The following IMPG1 variants were observed in gnomAD, a reference collection of about 807,000 sequenced individuals.
The protein encoded by IMPG1 is interphotoreceptor matrix proteoglycan 1.
Under a neutral mutation model 92.0 loss-of-function variants are expected in IMPG1, and 85 were observed. The observed-to-expected ratio is 0.92, with a 90% CI of 0.78 to 1.11. IMPG1 has a LOEUF of 1.11. Ranked by LOEUF, IMPG1 falls within the 50% of genes least tolerant of loss-of-function variation. The pLI is 0.00. For missense variants in IMPG1, 1,022 were observed against 956.0 expected (o/e 1.07, Z -0.91); for synonymous variants, 367 against 334.1 (o/e 1.10, Z -1.08).
chr6:76,003,821 G>C (rs1783042344), intron 11 of IMPG1, 53 bp downstream of exon 11: 6 of 1,279,994 alleles, frequency 4.7e-6, no homozygotes, highest in Non-Finnish European at 5.6e-6. Context: ...TTCTTTGGTG[G>C]AAGGTTTTGA....
At chr6:76,019,649 G>A (rs927881464) in intron 6 of IMPG1, among the ~76,000 whole-genome samples, 4 of 152,196 alleles carry the variant, frequency 2.6e-5, no homozygotes, top group African/African-American at 7.2e-5. Context: ...ACATTTAAAA[G>A]ACTTCTGATG....
chr6:75,955,749 C>A (rs1241728484), intron 12 of IMPG1, among the ~76,000 whole-genome samples: 1 of 152,134 alleles, frequency 6.6e-6, no homozygotes, highest in Admixed American at 6.5e-5. Context: ...TCATTAATAG[C>A]TCTTATTATT....
intron 12 of IMPG1, among the ~76,000 whole-genome samples, chr6:75,957,880 T>C (rs1443895431): frequency 2.0e-5 from 3 of 152,240 alleles, no homozygotes; most frequent in Non-Finnish European, 2.9e-5. Context: ...CTGTGTCTTT[T>C]AATTGGGGCA....
intron 1 of IMPG1, among the ~76,000 whole-genome samples, chr6:76,059,118 T>A (rs1455103381): frequency 6.6e-6 from 1 of 151,802 alleles, no homozygotes; most frequent in Non-Finnish European, 1.5e-5. Flanking sequence ...GAAAAGGGGG[T>A]GTTTCAGAAT....
chr6:76,010,999 T>G (rs1475689459), intron 8 of IMPG1, among the ~76,000 whole-genome samples, 167 bp downstream of exon 8: 3 of 152,218 alleles, frequency 2.0e-5, no homozygotes, highest in African/African-American at 7.2e-5. Context: ...CCTAGAGTCA[T>G]GTTCTAATTA....
At chr6:76,049,216 A>G (rs930485494) in intron 1 of IMPG1, among the ~76,000 whole-genome samples, 4 of 152,178 alleles carry the variant, frequency 2.6e-5, no homozygotes. Flanking sequence ...TTGGAGGGAG[A>G]GGATCAGAAA....
intron 15 of IMPG1, among the ~76,000 whole-genome samples, chr6:75,925,753 T>C (rs1582045117): frequency 6.6e-6 from 1 of 152,032 alleles, no homozygotes; most frequent in South Asian, 2.1e-4. Context: ...GCAACCTCCA[T>C]CTCCCAGGTT....
chr6:76,002,527 G>A (rs181285493), intron 12 of IMPG1, among the ~76,000 whole-genome samples: 6 of 152,314 alleles, frequency 3.9e-5, no homozygotes, highest in East Asian at 1.9e-4. Flanking sequence ...CCCAGTCCAC[G>A]GTTGACATGG....
At chr6:75,970,406 CTT>C (rs1782392015) in intron 12 of IMPG1, among the ~76,000 whole-genome samples, 2 of 151,936 alleles carry the variant, frequency 1.3e-5, no homozygotes, top group Non-Finnish European at 2.9e-5. Flanking sequence ...ATTTATTACA[CTT>C]TCCCTCACTA....
At chr6:75,935,104 C>A in intron 14 of IMPG1, 6 of 453,404 alleles carry the variant, frequency 1.3e-5, no homozygotes, top group South Asian at 9.6e-5. Context: ...AGATGGCGCT[C>A]AATAGCAAAA....
intron 7 of IMPG1, among the ~76,000 whole-genome samples, chr6:76,014,040 A>G (rs1215418202): frequency 6.6e-6 from 1 of 152,164 alleles, no homozygotes; most frequent in East Asian, 1.9e-4. Flanking sequence ...TTTGTACGGG[A>G]TGGGGTTTAA....
intron 12 of IMPG1, among the ~76,000 whole-genome samples, chr6:75,974,339 C>CTT (rs775564350): frequency 3.3e-5 from 2 of 61,104 alleles, no homozygotes; most frequent in African/African-American, 7.2e-5. Flanking sequence ...CCCTTTCTTT[C>CTT]TTTCTTTCTT....
chr6:76,034,117 AT>A (rs537337086), intron 4 of IMPG1, among the ~76,000 whole-genome samples, 197 bp downstream of exon 4: 27 of 152,346 alleles, frequency 1.8e-4, no homozygotes, highest in African/African-American at 6.0e-4. Context: ...ATCTAAATCT[AT>A]AAGGTCTATT....
rs373402624 is a variant in IMPG1, at chr6:75,950,351, G to A, written c.1824+211C>T. Among the ~76,000 whole-genome samples the A allele has an allele frequency of 8.5e-5, 13 of 152,092 alleles. No homozygotes were observed. In the East Asian group the frequency reaches 1.9e-3, roughly 23 times the overall value. ...AATTTGTTCTTACAGATTGGGTGGC[G>A]GTGTCTTCCCATTTGTCTATCACAG... is the stretch of plus-strand genomic sequence containing the variant. On this transcript the variant is annotated intron_variant, in intron 13 of 16. Coordinates refer to ENST00000369950, the MANE Select transcript of IMPG1 (RefSeq NM_001563.4).
intron 8 of IMPG1, 113 bp from the exon 9 acceptor site, chr6:76,007,613 A>T: frequency 1.4e-6 from 1 of 693,926 alleles, no homozygotes; most frequent in Non-Finnish European, 2.3e-6. Flanking sequence ...ATTTCTTTCC[A>T]TTGTCTCTTT....
chr6:75,928,073 A>C (rs1381434951), intron 15 of IMPG1, among the ~76,000 whole-genome samples: 1 of 152,182 alleles, frequency 6.6e-6, no homozygotes, highest in East Asian at 1.9e-4. Context: ...TGAAATAGCA[A>C]ATAGGGCTGA....
At chr6:75,964,385 A>C (rs1782266557) in intron 12 of IMPG1, among the ~76,000 whole-genome samples, 1 of 152,144 alleles carries the variant, frequency 6.6e-6, no homozygotes, top group African/African-American at 2.4e-5. Flanking sequence ...TTATCTCCAT[A>C]AAGAAAAAAT....
intron 12 of IMPG1, among the ~76,000 whole-genome samples, chr6:75,981,516 T>A (rs923220734): frequency 6.6e-5 from 10 of 152,258 alleles, no homozygotes; most frequent in African/African-American, 2.4e-4. Flanking sequence ...TGTTTGAATT[T>A]CCAGGTGTTG....
At chr6:75,975,552 A>G (rs1488738439) in intron 12 of IMPG1, among the ~76,000 whole-genome samples, 1 of 152,242 alleles carries the variant, frequency 6.6e-6, no homozygotes, top group Non-Finnish European at 1.5e-5. Context: ...AACTATAAAA[A>G]GCTAATGGTA....
Sources: gnomAD v4.1 joint callset for allele counts (sites outside exome capture counted in the v4.1 genomes callset) on GRCh38, gnomAD v4.1.1 for gene constraint, MANE v1.5 for transcripts, NCBI Gene and HGNC (gene_info 2026-07-23, HGNC 2026-07-21) for gene names.